The following SLC9A7 variants were observed in gnomAD, a reference collection of about 807,000 sequenced individuals.
The protein encoded by SLC9A7 is sodium/hydrogen exchanger 7.
In SLC9A7, 19 loss-of-function variants were observed where a neutral mutation model predicts 52.6. The observed-to-expected ratio is 0.36, with a 90% CI of 0.25 to 0.53. The LOEUF is 0.53. Among genes scored for constraint, SLC9A7 ranks in the 20% least tolerant of loss-of-function variants. SLC9A7 has a pLI of 0.91. For synonymous variants in SLC9A7, 226 were observed against 252.1 expected, an observed-to-expected ratio of 0.90 and a Z score of 0.98; for missense variants, 455 against 597.9, an observed-to-expected ratio of 0.76 and a Z score of 2.49.
chrX:46,648,897 C>T lies in SLC9A7; in HGVS notation c.1351-100G>A, dbSNP rs550302276. On this transcript the variant is annotated intron_variant, in intron 10 of 16. Coordinates refer to ENST00000616978, the MANE Select transcript of SLC9A7 (RefSeq NM_001257291.2). ...GAATTTTAGGAATGCTGTGACACCT[C>T]GTTATAGTCCAGAGAGCTGCCCAAA... The T allele has an allele frequency of 8.5e-5, 49 of 576,659 alleles. No homozygotes were observed. The South Asian group carries it at 1.3e-3, about 15-fold the overall frequency. The allele number at this position is 576,659 out of a possible 1,213,427, so 47.5% of individuals were successfully genotyped here. A position where few individuals can be genotyped will look rare whatever the true frequency, so the allele number is the denominator to read the frequency against.
chrX:46,721,100 T>G (rs189426787), intron 1 of SLC9A7, among the ~76,000 whole-genome samples: 204 of 112,280 alleles, frequency 1.8e-3, no homozygotes, highest in African/African-American at 6.4e-3. Context: ...CATTTTTTCT[T>G]ACTGCAATTA....
intron 3 of SLC9A7, among the ~76,000 whole-genome samples, chrX:46,677,193 C>A (rs1340757009): frequency 1.1e-4 from 12 of 112,097 alleles, no homozygotes; most frequent in African/African-American, 3.6e-4. Flanking sequence ...GTAGTCTTGA[C>A]CCTGTTGTGC....
intron 14 of SLC9A7, 121 bp downstream of exon 14, chrX:46,631,465 G>A (rs780753163): frequency 1.7e-5 from 9 of 516,519 alleles, no homozygotes; most frequent in Non-Finnish European, 2.6e-5. Context: ...AAAATGGGGA[G>A]AGCAGTACAC....
chrX:46,663,638 CAAAAAAAAA>C (rs1315683837), intron 5 of SLC9A7, among the ~76,000 whole-genome samples: 1 of 24,604 alleles, frequency 4.1e-5, no homozygotes, highest in African/African-American at 1.9e-4. Flanking sequence ...AACTCCATCT[CAAAAAAAAA>C]AAAAAAAAAA....
intron 1 of SLC9A7, among the ~76,000 whole-genome samples, chrX:46,684,431 T>C (rs1333825413): frequency 2.7e-5 from 3 of 111,723 alleles, no homozygotes; most frequent in African/African-American, 9.8e-5. Context: ...TCTCGAACTA[T>C]TGACCTCTGG....
intron 1 of SLC9A7, among the ~76,000 whole-genome samples, chrX:46,751,786 C>T (rs898132667): frequency 9.0e-6 from 1 of 110,976 alleles, no homozygotes; most frequent in Non-Finnish European, 1.9e-5. Flanking sequence ...CTCCAGCCTG[C>T]ATGACACAGT....
intron 7 of SLC9A7, among the ~76,000 whole-genome samples, chrX:46,659,346 C>A (rs1943767985): frequency 1.1e-5 from 1 of 93,993 alleles, no homozygotes; most frequent in Admixed American, 1.2e-4. Flanking sequence ...CACTCCTATT[C>A]AACATAGTGT....
At chrX:46,615,677 T>A (rs903600089) in intron 15 of SLC9A7, among the ~76,000 whole-genome samples, 2 of 109,160 alleles carry the variant, frequency 1.8e-5, no homozygotes, top group Admixed American at 9.9e-5. Context: ...TATATATATA[T>A]AACCAGTAAG....
At position 46,601,213 on chromosome X, in the gene SLC9A7, G is replaced by A. The variant is rs1428221139; in HGVS notation, c.*5739C>T. On this transcript the variant is annotated 3_prime_UTR_variant, in exon 17 of 17. Coordinates refer to ENST00000616978, the MANE Select transcript of SLC9A7 (RefSeq NM_001257291.2). ...TACACTCTTAGAACTCACAACGGGT[G>A]CACAGTAGGTTTCCAAGTGGGTGAT... The A allele has an allele frequency of 8.9e-6, 1 of 112,275 alleles. No individual in the cohort carries two copies. The highest frequency in any genetic ancestry group is 3.2e-5 in the African/African-American group (1 of 30,874). The allele number at this position is 112,275 out of a possible 1,213,427, so 9.3% of individuals were successfully genotyped here.
chrX:46,654,657 A>G (rs1943640929), intron 7 of SLC9A7, among the ~76,000 whole-genome samples: 1 of 110,328 alleles, frequency 9.1e-6, no homozygotes, highest in African/African-American at 3.3e-5. Context: ...CTGAGTCCAC[A>G]ACAGGTGCCT....
At chrX:46,749,433 A>G (rs1209325601) in intron 1 of SLC9A7, among the ~76,000 whole-genome samples, 1 of 111,388 alleles carries the variant, frequency 9.0e-6, no homozygotes, top group Non-Finnish European at 1.9e-5. Context: ...TAGAGTGGAG[A>G]GACATGAGAG....
chrX:46,662,304 T>C (rs1169741851), intron 6 of SLC9A7, 147 bp from the exon 7 acceptor site: 4 of 608,867 alleles, frequency 6.6e-6, no homozygotes, highest in African/African-American at 4.6e-5. Context: ...CAGCCAGCAT[T>C]GCCCAGGGTA....
At chrX:46,655,048 G>A (rs771103213) in intron 7 of SLC9A7, among the ~76,000 whole-genome samples, 3 of 98,901 alleles carry the variant, frequency 3.0e-5, no homozygotes, top group South Asian at 5.0e-4. Context: ...GCAATGGCAC[G>A]GCCTCGGCTC....
intron 1 of SLC9A7, among the ~76,000 whole-genome samples, chrX:46,690,825 G>A (rs137861783): frequency 8.9e-6 from 1 of 111,836 alleles, no homozygotes; most frequent in Admixed American, 9.6e-5. Flanking sequence ...TTGCATACGG[G>A]TATCTAATTG....
intron 1 of SLC9A7, among the ~76,000 whole-genome samples, chrX:46,758,365 C>T (rs1226043406): frequency 1.8e-5 from 2 of 112,002 alleles, no homozygotes; most frequent in Non-Finnish European, 1.9e-5. Context: ...CCAGCCACCA[C>T]GCAGGCACAC....
At chrX:46,709,712 C>T (rs1202288382) in intron 1 of SLC9A7, among the ~76,000 whole-genome samples, 2 of 112,156 alleles carry the variant, frequency 1.8e-5, no homozygotes, top group African/African-American at 3.2e-5. Flanking sequence ...GAGTTCATAG[C>T]TAACTGAAGG....
intron 1 of SLC9A7, among the ~76,000 whole-genome samples, chrX:46,755,011 G>A (rs2147035939): frequency 8.9e-6 from 1 of 112,499 alleles, no homozygotes; most frequent in East Asian, 2.8e-4. Context: ...TGGCCCCGCT[G>A]CCTTGCAGCT....
intron 1 of SLC9A7, among the ~76,000 whole-genome samples, chrX:46,704,850 C>G (rs1019038381): frequency 4.5e-5 from 5 of 111,174 alleles, no homozygotes; most frequent in African/African-American, 1.6e-4. Flanking sequence ...CACAAACACA[C>G]AAACACACAC....
chrX:46,631,281 G>A (rs1387114890), intron 14 of SLC9A7, among the ~76,000 whole-genome samples: 1 of 111,891 alleles, frequency 8.9e-6, no homozygotes, highest in Non-Finnish European at 1.9e-5. Context: ...TGATAGACTC[G>A]GAACCAGTTG....
Sources: gnomAD v4.1 joint callset for allele counts (sites outside exome capture counted in the v4.1 genomes callset) on GRCh38, gnomAD v4.1.1 for gene constraint, MANE v1.5 for transcripts, NCBI Gene and HGNC (gene_info 2026-07-23, HGNC 2026-07-21) for gene names.